DNAH10: variants seen among roughly 807,000 people sequenced by gnomAD.
The protein encoded by DNAH10 is dynein axonemal heavy chain 10, also known as axonemal beta dynein heavy chain 10.
In DNAH10, 348 loss-of-function variants were observed where a neutral mutation model predicts 506.6. The ratio of observed to expected loss-of-function variants is 0.69; its 90% CI spans 0.63 to 0.75. The LOEUF is 0.75. Ranked by LOEUF, DNAH10 falls within the 30% of genes least tolerant of loss-of-function variation. DNAH10 has a pLI of 0.00. For missense variants in DNAH10, 5,179 were observed against 5,787.1 expected, an observed-to-expected ratio of 0.89 and a Z score of 3.41; for synonymous variants, 2,059 against 2,198.6, an observed-to-expected ratio of 0.94 and a Z score of 1.78.
At chr12:123,824,110 G>T (rs1565951273) in intron 24 of DNAH10, among the ~76,000 whole-genome samples, 1 of 152,180 alleles carries the variant, frequency 6.6e-6, no homozygotes, top group African/African-American at 2.4e-5. Flanking sequence ...AGGGGATCCT[G>T]GGGTGGCAGC....
intron 37 of DNAH10, among the ~76,000 whole-genome samples, chr12:123,858,320 G>C (rs1056190862): frequency 6.6e-6 from 1 of 152,146 alleles, no homozygotes; most frequent in East Asian, 1.9e-4. Context: ...CTCCAGACCT[G>C]GGGGGTTGCC....
In DNAH10 at chr12:123,850,844, G is replaced by A. The variant is rs762855063; in HGVS notation, c.6103-44G>A. ...CCCCTTTCCAAGGGGCTGGCCGGCC[G>A]GGCCACCTAACTGCTTCTTTCTTTC... On this transcript the variant is annotated intron_variant, in intron 34 of 78. Transcript: ENST00000673944. The surrounding 1 kb of genome is among the most constrained non-coding windows in gnomAD (Gnocchi z 5.5). The A allele has an allele frequency of 1.0e-5, 16 of 1,566,688 alleles. No homozygotes were observed. The highest frequency in any genetic ancestry group is 6.8e-5 in the East Asian group (3 of 43,964).
chr12:123,857,713 C>T (rs769636044), intron 37 of DNAH10, among the ~76,000 whole-genome samples: 1 of 152,064 alleles, frequency 6.6e-6, no homozygotes, highest in African/African-American at 2.4e-5. Flanking sequence ...GGTGAGAGAG[C>T]GAGACTCCGT....
intron 12 of DNAH10, among the ~76,000 whole-genome samples, chr12:123,794,933 A>C (rs1365211241): frequency 6.6e-6 from 1 of 151,766 alleles, no homozygotes; most frequent in African/African-American, 2.4e-5. Context: ...GGATCACCTG[A>C]GGTCAGGAGT....
rs1031558976 is a variant in DNAH10, at chr12:123,867,590, G to A, written c.7291G>A (p.Asp2431Asn). 1.9e-6 allele frequency: 3 copies of A among 1,613,816 alleles called. No individual in the cohort carries two copies. The highest frequency in any genetic ancestry group is 2.5e-6 in the Non-Finnish European group (3 of 1,179,880). Residue 2431 changes from aspartate to asparagine, a missense_variant, in exon 42 of 79, where the codon GAC becomes AAC. By Grantham distance (23) the Asp-to-Asn change is conservative. Transcript: ENST00000673944. The part of the protein sequence containing the change: ...EKLKTIVPQT[D>N]LNMVTQLAKM... ...GCTGAAGACAATAGTTCCTCAGACA[G>A]ACCTCAATATGGTAAGAAATGATCC...
Position 123,902,335 on chromosome 12 carries a change from C to T in DNAH10, c.9641-604C>T, listed in dbSNP as rs1953557495. Among the ~76,000 whole-genome samples the T allele has an allele frequency of 6.6e-6, 1 of 152,230 alleles. No individual in the cohort carries two copies. The highest frequency in any genetic ancestry group is 2.1e-4 in the South Asian group (1 of 4,836). ...TGGTGGGGTGACACTGTTCAAACCA[C>T]TGTGAGCCAAGCCCTGCTCTAGGTT... On this transcript the variant is annotated intron_variant, in intron 56 of 78. Coordinates refer to ENST00000673944, the MANE Select transcript of DNAH10 (RefSeq NM_001372106.1). The surrounding 1 kb of genome is among the most constrained non-coding windows in gnomAD (Gnocchi z 4.5).
At chr12:123,870,290 T>C (rs1013618169) in intron 43 of DNAH10, 76 bp from the exon 44 acceptor site, 1 of 1,544,268 alleles carries the variant, frequency 6.5e-7, no homozygotes, top group African/African-American at 1.4e-5. Context: ...CATTAGTTCA[T>C]TTCAAGCATG....
rs1025237093 is a variant in DNAH10, at chr12:123,913,942, T to G, written c.10353-387T>G. Among the ~76,000 whole-genome samples, 1 of 152,246 alleles carries G rather than the reference T, an allele frequency of 6.6e-6. No homozygotes were observed. Among genetic ancestry groups the G allele is most frequent in the African/African-American group, 2.4e-5 (1 of 41,466 alleles). ...AAGAGGACAAATGAAACAGACGCTT[T>G]CTTTTATCTTGGGTGGAATTCTGTC... is the stretch of plus-strand genomic sequence containing the variant. On this transcript the variant is annotated intron_variant, in intron 60 of 78. Transcript: ENST00000673944. This position sits in a 1 kb window ranked among gnomAD's most constrained non-coding sequence, Gnocchi z 5.1.
chr12:123,933,018 G>A (rs1024191797), intron 76 of DNAH10, among the ~76,000 whole-genome samples: 13 of 152,138 alleles, frequency 8.5e-5, no homozygotes, highest in East Asian at 1.9e-4. Flanking sequence ...ACATTTTTCC[G>A]TAGTCAAACC....
chr12:123,791,650 C>T lies in DNAH10; in HGVS notation c.1815+1529C>T, dbSNP rs114524957. 3.5e-3 allele frequency among the ~76,000 whole-genome samples: 535 copies of T among 152,180 alleles called. 8 individuals are homozygous for T. The highest frequency in any genetic ancestry group is 0.012 in the African/African-American group (500 of 41,506). On this transcript the variant is annotated intron_variant, in intron 11 of 78. Transcript: ENST00000673944. ...AAAGTGCAGTGGTGTGATCCTGGCT[C>T]ACTGCAGCTTCAACCTTCTGGGCTC...
chr12:123,871,310 C>T (rs763675275), intron 44 of DNAH10, 147 bp from the exon 45 acceptor site: 1 of 934,090 alleles, frequency 1.1e-6, no homozygotes, highest in Non-Finnish European at 1.6e-6. Context: ...TTATACACTT[C>T]AATGGGTGAA....
chr12:123,922,332 C>T (rs182059205), intron 65 of DNAH10, among the ~76,000 whole-genome samples: 4 of 152,160 alleles, frequency 2.6e-5, no homozygotes, highest in East Asian at 1.9e-4. Flanking sequence ...GCCGAGATCG[C>T]GCCACTGCAC....
At chr12:123,774,084 T>G in intron 4 of DNAH10, 65 bp from the exon 5 acceptor site, 1 of 1,030,406 alleles carries the variant, frequency 9.7e-7, no homozygotes, top group Non-Finnish European at 1.4e-6. Flanking sequence ...CCTGTTCTCT[T>G]GGAAATGTTA....
At chr12:123,879,884 CG>C in intron 50 of DNAH10, 83 bp downstream of exon 50, 1 of 1,505,170 alleles carries the variant, frequency 6.6e-7, no homozygotes, top group South Asian at 1.3e-5. Context: ...CGCGGGTGCC[CG>C]GGAGCCTATC....
At position 123,853,965 on chromosome 12, in the gene DNAH10, A is replaced by T. The variant is rs575453628; in HGVS notation, c.6438+613A>T. 1.4e-5 allele frequency among the ~76,000 whole-genome samples: 2 copies of T among 143,450 alleles called. No homozygotes were observed. The highest frequency in any genetic ancestry group is 2.1e-4 in the South Asian group (1 of 4,668). 94.1% of individuals were successfully genotyped at this position (143,450 alleles called of 152,430 possible). On this transcript the variant is annotated intron_variant, in intron 36 of 78. Coordinates refer to ENST00000673944, the MANE Select transcript of DNAH10 (RefSeq NM_001372106.1). This position sits in a 1 kb window ranked among gnomAD's most constrained non-coding sequence, Gnocchi z 4.7. ...GCACACACACACACATTTGGGTAGT[A>T]AAAAAAAAACAGCCGTGAGTGCAGT... is the stretch of plus-strand genomic sequence containing the variant.
chr12:123,874,310 T>TCCATCC (rs56189440), intron 46 of DNAH10, among the ~76,000 whole-genome samples: 1 of 133,776 alleles, frequency 7.5e-6, no homozygotes, highest in Non-Finnish European at 1.6e-5. Flanking sequence ...CATCCATCCA[T>TCCATCC]ATGTTCATTC....
At position 123,848,771 on chromosome 12, in the gene DNAH10, T is replaced by G; in HGVS notation, c.5991T>G (p.Ala1997=). ...KIFSGLAQCG[A]WGCFDEFNRI... ...TCTCTGGCCTGGCACAGTGCGGGGCTTGGGGCTGCTTTGATGAGTTTAATC... is the reference window on the plus strand; with the variant it reads ...TCTCTGGCCTGGCACAGTGCGGGGCGTGGGGCTGCTTTGATGAGTTTAATC... The change falls in exon 34 of 79, where the codon GCT becomes GCG. Residue 1997 remains alanine (A), a synonymous_variant. Coordinates refer to ENST00000673944, the MANE Select transcript of DNAH10 (RefSeq NM_001372106.1). 6.2e-7 allele frequency: 1 copy of G among 1,614,004 alleles called. No individual in the cohort carries two copies. The highest frequency in any genetic ancestry group is 8.5e-7 in the Non-Finnish European group (1 of 1,179,888).
intron 32 of DNAH10, among the ~76,000 whole-genome samples, chr12:123,847,336 CTATCTATCTAT>C (rs1951001598): frequency 6.6e-6 from 1 of 151,778 alleles, no homozygotes; most frequent in African/African-American, 2.4e-5. Flanking sequence ...ATCTATCTAT[CTATCTATCTAT>C]CTATCTGGAT....
chr12:123,914,894 G>C lies in DNAH10; in HGVS notation c.10617G>C (p.Gln3539His). 1 of 1,613,662 alleles carries C rather than the reference G, an allele frequency of 6.2e-7. No homozygotes were observed. Among genetic ancestry groups the C allele is most frequent in the East Asian group, 2.2e-5 (1 of 44,872 alleles). ...TTCCCCCCGATGAGCTCTCCGTTCA[G>C]AATGGCATCCTCACCACCCGGGCCA... ...QGLPPDELSV[Q>H]NGILTTRASR... Residue 3539 changes from glutamine (Q) to histidine (H), a missense_variant, in exon 62 of 79, where the codon CAG becomes CAC. This residue lies in a region of DNAH10 where 4,844 missense variants were observed against 5,430.5 expected (regional missense o/e 0.89). Coordinates refer to ENST00000673944, the MANE Select transcript of DNAH10 (RefSeq NM_001372106.1).
Sources: allele counts gnomAD v4.1 joint callset (sites outside exome capture counted in the v4.1 genomes callset), GRCh38; gene constraint gnomAD v4.1.1; regional missense constraint gnomAD v4.1.1; non-coding constraint Gnocchi (gnomAD v3.1); transcripts MANE v1.5; gene names NCBI Gene and HGNC (gene_info 2026-07-23, HGNC 2026-07-21).